The following CTTNBP2 variants were observed in gnomAD, a reference collection of about 807,000 sequenced individuals.
CTTNBP2 encodes the protein cortactin-binding protein 2.
CTTNBP2 carries 108 observed loss-of-function variants against 156.9 expected under a neutral mutation model. That is an observed-to-expected ratio of 0.69 (90% CI 0.59 to 0.81). CTTNBP2 has a LOEUF of 0.81. CTTNBP2 is among the 30% of genes least tolerant of loss of function. CTTNBP2 has a pLI of 0.00. For synonymous variants in CTTNBP2, 767 were observed against 751.8 expected (o/e 1.02, Z -0.33); for missense variants, 1,924 against 2,035.4 (o/e 0.95, Z 1.05).
At chr7:117,752,750 G>C (rs904929305) in intron 12 of CTTNBP2, among the ~76,000 whole-genome samples, 1 of 152,300 alleles carries the variant, frequency 6.6e-6, no homozygotes, top group Non-Finnish European at 1.5e-5. Context: ...AGGCAGAAAG[G>C]CTAGTTTCAA....
At chr7:117,746,879 G>C (rs77675502) in intron 12 of CTTNBP2, among the ~76,000 whole-genome samples, 4 of 152,066 alleles carry the variant, frequency 2.6e-5, no homozygotes, top group African/African-American at 9.7e-5. Context: ...CTTTATCCTC[G>C]TGTATAAGGA....
At chr7:117,834,706 CT>C (rs1291164869) in intron 2 of CTTNBP2, among the ~76,000 whole-genome samples, 1 of 152,186 alleles carries the variant, frequency 6.6e-6, no homozygotes, top group Non-Finnish European at 1.5e-5. Flanking sequence ...ACACACTTTA[CT>C]TTTTAGTGCG....
chr7:117,760,715 T>C lies in CTTNBP2; in HGVS notation c.2897-5A>G. The C allele has an allele frequency of 1.3e-6, 2 of 1,594,276 alleles. No individual in the cohort carries two copies. The highest frequency in any genetic ancestry group is 1.1e-5 in the South Asian group (1 of 90,162). ...TTAAGGGTATTTTAAGAGCATCTGT[T>C]AGAAGAGTAAAAGAATTAGGAGTTA... On this transcript the variant is annotated splice_polypyrimidine_tract_variant and splice_region_variant and intron_variant, in intron 9 of 22. Transcript: ENST00000160373.
At chr7:117,846,890 T>C (rs1009390686) in intron 2 of CTTNBP2, among the ~76,000 whole-genome samples, 3 of 152,014 alleles carry the variant, frequency 2.0e-5, no homozygotes, top group African/African-American at 7.2e-5. Context: ...AATATATATA[T>C]ACTCTCATAT....
intron 2 of CTTNBP2, among the ~76,000 whole-genome samples, chr7:117,850,027 A>T (rs920036733): frequency 1.3e-5 from 2 of 152,258 alleles, no homozygotes; most frequent in African/African-American, 4.8e-5. Context: ...AGGTTAAATG[A>T]CATAATCCAC....
intron 2 of CTTNBP2, among the ~76,000 whole-genome samples, chr7:117,860,748 A>G (rs545247784): frequency 6.6e-6 from 1 of 152,306 alleles, no homozygotes; most frequent in South Asian, 2.1e-4. Flanking sequence ...ATGGATAAAC[A>G]TTTACTTTTT....
At chr7:117,786,043 C>T (rs944594761) in intron 4 of CTTNBP2, among the ~76,000 whole-genome samples, 40 of 152,112 alleles carry the variant, frequency 2.6e-4, no homozygotes, top group African/African-American at 9.2e-4. Flanking sequence ...ATACTCAATT[C>T]TTATGATTAA....
At position 117,782,887 on chromosome 7, in the gene CTTNBP2, C is replaced by T; in HGVS notation, c.2347G>A (p.Ala783Thr). ...ADKNGFTPLC[A>T]AAAQGHFECV... ...TCGAAATGTCCCTGAGCAGCTGCAG[C>T]ACACAAGGGTGTGAAGCCATTTTTA... The change falls in exon 6 of 23, where the codon GCT (alanine) becomes ACT (threonine). Residue 783 changes from alanine to threonine, a missense_variant. Coordinates refer to ENST00000160373, the MANE Select transcript of CTTNBP2 (RefSeq NM_033427.3). 6.2e-7 allele frequency: 1 copy of T among 1,613,856 alleles called. No individual in the cohort carries two copies. Among genetic ancestry groups the T allele is most frequent in the Non-Finnish European group, 8.5e-7 (1 of 1,179,810 alleles).
intron 2 of CTTNBP2, among the ~76,000 whole-genome samples, chr7:117,858,998 C>T (rs749898062): frequency 2.6e-5 from 4 of 152,064 alleles, no homozygotes; most frequent in Non-Finnish European, 4.4e-5. Flanking sequence ...CAAATAGACA[C>T]GTGTTTTATC....
Position 117,794,014 on chromosome 7 carries a change from C to T in CTTNBP2, c.415-1233G>A, listed in dbSNP as rs577915601. 4.6e-5 allele frequency among the ~76,000 whole-genome samples: 7 copies of T among 152,308 alleles called. No homozygotes were observed. The East Asian group carries it at 1.3e-3, about 29-fold the overall frequency. ...ACTACCTGCCTGCACCCCCCCTCAC[C>T]CCAAGTATGACTTTACTGAGGGCAG... On this transcript the variant is annotated intron_variant, in intron 3 of 22. Coordinates refer to ENST00000160373, the MANE Select transcript of CTTNBP2 (RefSeq NM_033427.3).
At chr7:117,865,470 G>A (rs1234758717) in intron 1 of CTTNBP2, among the ~76,000 whole-genome samples, 1 of 151,312 alleles carries the variant, frequency 6.6e-6, no homozygotes, top group Non-Finnish European at 1.5e-5. Flanking sequence ...AGACCAGCCT[G>A]GGCAACATGG....
intron 2 of CTTNBP2, among the ~76,000 whole-genome samples, chr7:117,845,371 A>G (rs1802522390): frequency 6.6e-6 from 1 of 152,254 alleles, no homozygotes; most frequent in Admixed American, 6.5e-5. Context: ...TACTGTGTAG[A>G]GCATGTTCCC....
chr7:117,774,121 AG>A (rs1797967612), intron 8 of CTTNBP2, among the ~76,000 whole-genome samples: 1 of 152,232 alleles, frequency 6.6e-6, no homozygotes, highest in South Asian at 2.1e-4. Context: ...ATGGAAACAA[AG>A]GCTTATCCTT....
intron 2 of CTTNBP2, among the ~76,000 whole-genome samples, chr7:117,832,785 C>T (rs1801694457): frequency 1.6e-5 from 2 of 121,992 alleles, no homozygotes; most frequent in African/African-American, 3.2e-5. Flanking sequence ...CTCACTGTGT[C>T]GCCAGGGCTG....
intron 3 of CTTNBP2, among the ~76,000 whole-genome samples, chr7:117,807,496 C>T (rs1329250291): frequency 2.0e-5 from 3 of 152,130 alleles, no homozygotes; most frequent in Admixed American, 6.5e-5. Context: ...TCCATTTCTT[C>T]GGTTGTCTAG....
intron 12 of CTTNBP2, among the ~76,000 whole-genome samples, chr7:117,751,805 G>A (rs1489835394): frequency 6.6e-6 from 1 of 152,146 alleles, no homozygotes; most frequent in East Asian, 1.9e-4. Flanking sequence ...CTATAAGATG[G>A]AACTTTTAGA....
At chr7:117,845,023 G>C (rs2117156098) in intron 2 of CTTNBP2, among the ~76,000 whole-genome samples, 1 of 152,318 alleles carries the variant, frequency 6.6e-6, no homozygotes, top group Admixed American at 6.5e-5. Context: ...AGGACCAACA[G>C]GAGGACTTGG....
At chr7:117,815,070 GTAA>G (rs1800500686) in intron 2 of CTTNBP2, among the ~76,000 whole-genome samples, 1 of 152,124 alleles carries the variant, frequency 6.6e-6, no homozygotes, top group Non-Finnish European at 1.5e-5. Context: ...GAGATGCCAG[GTAA>G]TAATGTTGTT....
chr7:117,717,873 A>ATGAACACTTTTACCTTT, intron 22 of CTTNBP2, 145 bp downstream of exon 22: 1 of 555,566 alleles, frequency 1.8e-6, no homozygotes, highest in East Asian at 3.0e-5. Context: ...CTAAAACCTA[A>ATGAACACTTTTACCTTT]TGAACACTTT....
Sources: gnomAD v4.1 joint callset for allele counts (sites outside exome capture counted in the v4.1 genomes callset) on GRCh38, gnomAD v4.1.1 for gene constraint, MANE v1.5 for transcripts, NCBI Gene and HGNC (gene_info 2026-07-23, HGNC 2026-07-21) for gene names.